SORCS3: variants seen among roughly 807,000 people sequenced by gnomAD.
SORCS3 encodes sortilin related VPS10 domain containing receptor 3.
SORCS3 carries 57 observed loss-of-function variants against 146.3 expected under a neutral mutation model. The observed-to-expected ratio is 0.39, with a 90% CI of 0.31 to 0.49. The LOEUF is 0.49. Among genes scored for constraint, SORCS3 ranks in the 20% least tolerant of loss-of-function variants. The pLI, the probability that SORCS3 is intolerant of heterozygous loss-of-function variation, is 0.92. For synonymous variants in SORCS3, 653 were observed against 618.5 expected (o/e 1.06, Z -0.83); for missense variants, 1,341 against 1,575.5 (o/e 0.85, Z 2.52).
intron 19 of SORCS3, among the ~76,000 whole-genome samples, chr10:105,218,202 G>A (rs1247915179): frequency 6.6e-6 from 1 of 152,176 alleles, no homozygotes; most frequent in Non-Finnish European, 1.5e-5. Context: ...GGATTATGTA[G>A]CTCAGTCATG....
chr10:105,185,255 A>ATTCCTTT lies in SORCS3; in HGVS notation c.2009+7083_2009+7089dup, dbSNP rs1233507138. On this transcript the variant is annotated intron_variant, in intron 14 of 26. Transcript: ENST00000369701. ...GTTCTTTCTCATTTCCTTATATTGAATTCCTTTCATGGGGCTCACAGTGAC... is the reference window on the plus strand; with the variant it reads ...GTTCTTTCTCATTTCCTTATATTGAATTCCTTTTTCCTTTCATGGGGCTCACAGTGAC... 5.9e-5 allele frequency among the ~76,000 whole-genome samples: 9 copies of ATTCCTTT among 152,282 alleles called. No individual in the cohort carries two copies. The South Asian group carries it at 1.9e-3, about 32-fold the overall frequency.
chr10:104,667,536 T>C (rs921593495), intron 1 of SORCS3, among the ~76,000 whole-genome samples: 4 of 152,190 alleles, frequency 2.6e-5, no homozygotes, highest in Admixed American at 1.3e-4. Context: ...GCTACAGAAA[T>C]AAATGAGCAA....
chr10:104,930,493 A>G (rs1286610870), intron 3 of SORCS3, among the ~76,000 whole-genome samples: 1 of 152,252 alleles, frequency 6.6e-6, no homozygotes, highest in African/African-American at 2.4e-5. Context: ...CCATGGCTCC[A>G]TGCTGAGAAG....
intron 4 of SORCS3, among the ~76,000 whole-genome samples, chr10:105,017,161 G>A (rs1192101877): frequency 6.6e-6 from 1 of 151,058 alleles, no homozygotes; most frequent in Non-Finnish European, 1.5e-5. Context: ...TTTTTTTGAG[G>A]GAACCGTCTG....
chr10:105,190,165 C>A (rs2056507221), intron 14 of SORCS3, among the ~76,000 whole-genome samples: 2 of 152,188 alleles, frequency 1.3e-5, no homozygotes, highest in Admixed American at 1.3e-4. Context: ...AGAGTAACAG[C>A]CTTGCTGAAA....
chr10:105,198,709 C>G (rs759379826), intron 14 of SORCS3, among the ~76,000 whole-genome samples: 1 of 151,880 alleles, frequency 6.6e-6, no homozygotes, highest in Non-Finnish European at 1.5e-5. Context: ...CTCAGAGTTT[C>G]TCCTACCCCA....
At chr10:104,724,804 C>T (rs560449440) in intron 1 of SORCS3, among the ~76,000 whole-genome samples, 37 of 152,306 alleles carry the variant, frequency 2.4e-4, no homozygotes, top group Non-Finnish European at 4.9e-4. Context: ...ATGTAGTTCT[C>T]GTGCTGTGGT....
At chr10:105,136,570 G>A (rs943431620) in intron 7 of SORCS3, among the ~76,000 whole-genome samples, 1 of 152,206 alleles carries the variant, frequency 6.6e-6, no homozygotes, top group African/African-American at 2.4e-5. Context: ...CCATGAGAGT[G>A]AATGTTGAAA....
At position 105,246,607 on chromosome 10, in the gene SORCS3, C is replaced by T. The variant is rs140145620; in HGVS notation, c.2993-612C>T. Reference sequence around the variant, plus strand: ...TTCCTACCTTTCTGCAAACTTGCTTCTCAGGCTCTTCGAGGGGCACATGGA... The same window carrying T: ...TTCCTACCTTTCTGCAAACTTGCTTTTCAGGCTCTTCGAGGGGCACATGGA... On this transcript the variant is annotated intron_variant, in intron 21 of 26. Transcript: ENST00000369701. 1.7e-3 allele frequency among the ~76,000 whole-genome samples: 252 copies of T among 152,254 alleles called. 2 individuals carry two copies. The highest frequency in any genetic ancestry group is 2.4e-3 in the Non-Finnish European group (164 of 68,016).
intron 4 of SORCS3, among the ~76,000 whole-genome samples, chr10:104,995,704 A>T (rs1311124217): frequency 6.6e-6 from 1 of 152,152 alleles, no homozygotes; most frequent in East Asian, 1.9e-4. Flanking sequence ...CCCATGTCAT[A>T]GCTTATCTTT....
At chr10:104,732,285 T>C (rs1406145785) in intron 1 of SORCS3, among the ~76,000 whole-genome samples, 1 of 152,122 alleles carries the variant, frequency 6.6e-6, no homozygotes, top group Non-Finnish European at 1.5e-5. Flanking sequence ...TTGTGCTAGC[T>C]TGGAGGCTTA....
chr10:105,017,083 C>T (rs2055172392), intron 4 of SORCS3, among the ~76,000 whole-genome samples: 1 of 152,002 alleles, frequency 6.6e-6, no homozygotes, highest in Non-Finnish European at 1.5e-5. Context: ...TTCTCCCATG[C>T]TAGTAATATT....
chr10:105,098,572 C>G (rs897435704), intron 6 of SORCS3, among the ~76,000 whole-genome samples: 1 of 152,200 alleles, frequency 6.6e-6, no homozygotes, highest in Non-Finnish European at 1.5e-5. Context: ...CTAGCTCCGT[C>G]ACTTCCTAGA....
intron 1 of SORCS3, among the ~76,000 whole-genome samples, chr10:104,695,904 A>G (rs2016169397): frequency 6.7e-6 from 1 of 148,206 alleles, no homozygotes; most frequent in Non-Finnish European, 1.5e-5. Context: ...TAAGTGTCCA[A>G]TGGTGGCTGA....
chr10:104,973,950 CGTACCCA>C (rs749202660), intron 3 of SORCS3, among the ~76,000 whole-genome samples: 8 of 151,986 alleles, frequency 5.3e-5, no homozygotes, highest in Non-Finnish European at 1.2e-4. Context: ...CATTTCATTA[CGTACCCA>C]GTAGTCATTC....
intron 20 of SORCS3, among the ~76,000 whole-genome samples, chr10:105,231,887 G>T (rs1186331516): frequency 6.6e-6 from 1 of 152,086 alleles, no homozygotes; most frequent in African/African-American, 2.4e-5. Context: ...TTTTATACAT[G>T]ATTGGATTCA....
chr10:105,047,991 C>G (rs937839235), intron 5 of SORCS3, among the ~76,000 whole-genome samples: 2 of 152,110 alleles, frequency 1.3e-5, no homozygotes, highest in Middle Eastern at 3.2e-3. Flanking sequence ...GAGATACCAT[C>G]TCACACCAGT....
intron 12 of SORCS3, among the ~76,000 whole-genome samples, chr10:105,164,797 A>G (rs1422809949): frequency 1.3e-5 from 2 of 152,188 alleles, no homozygotes; most frequent in Admixed American, 6.5e-5. Flanking sequence ...AAACTGACAA[A>G]GCCATGGAAG....
intron 1 of SORCS3, among the ~76,000 whole-genome samples, chr10:104,781,635 A>T (rs1287198175): frequency 6.6e-6 from 1 of 152,254 alleles, no homozygotes; most frequent in African/African-American, 2.4e-5. Flanking sequence ...ACAAAAAATG[A>T]TAATAGAAAG....
Sources: allele counts gnomAD v4.1 joint callset (sites outside exome capture counted in the v4.1 genomes callset), GRCh38; gene constraint gnomAD v4.1.1; transcripts MANE v1.5; gene names NCBI Gene and HGNC (gene_info 2026-07-23, HGNC 2026-07-21).